DDX19B: variants seen among roughly 807,000 people sequenced by gnomAD.
The protein encoded by DDX19B is DEAD-box helicase 19B, also known as ATP-dependent RNA helicase DDX19B.
In DDX19B, 27 loss-of-function variants were observed where a neutral mutation model predicts 58.1. That is an observed-to-expected ratio of 0.46 (90% CI 0.34 to 0.64). DDX19B has a LOEUF of 0.64. DDX19B is among the 30% of genes least tolerant of loss of function. The pLI is 0.01. For missense variants in DDX19B, 399 were observed against 596.5 expected, an observed-to-expected ratio of 0.67 and a Z score of 3.45; for synonymous variants, 187 against 214.4, an observed-to-expected ratio of 0.87 and a Z score of 1.12.
intron 11 of DDX19B, 111 bp downstream of exon 11, chr16:70,333,270 C>A: frequency 1.4e-6 from 1 of 702,922 alleles, no homozygotes; most frequent in Non-Finnish European, 2.4e-6. Context: ...CTAGCACACT[C>A]CCCTCCTTTC....
At chr16:70,310,547 G>A (rs923227963) in intron 1 of DDX19B, among the ~76,000 whole-genome samples, 7 of 151,092 alleles carry the variant, frequency 4.6e-5, no homozygotes, top group Non-Finnish European at 5.9e-5. Flanking sequence ...CTCGTCTGCA[G>A]AAAAAAAAGA....
chr16:70,293,424 A>G (rs1239628492), upstream of DDX19B, among the ~76,000 whole-genome samples: 1 of 150,848 alleles, frequency 6.6e-6, no homozygotes, highest in Non-Finnish European at 1.5e-5. Flanking sequence ...TCTCAATTGA[A>G]AAAAAAAAGA....
rs755844163 is a variant in DDX19B at position 70,299,330 on chromosome 16, C to G, written c.33C>G (p.Asp11Glu). The G allele has an allele frequency of 3.1e-6, 5 of 1,608,448 alleles. No homozygotes were observed. The highest frequency in any genetic ancestry group is 4.2e-6 in the Non-Finnish European group (5 of 1,177,886). MATDSWALAVDEQEAAAESLS... is the reference protein window; with the variant it reads MATDSWALAVEEQEAAAESLS... ...CTGACTCATGGGCCCTGGCGGTGGA[C>G]GAGCAGGAAGCTGCGGCTGAGTCGG... The change falls in exon 1 of 12, where the codon GAC becomes GAG. Residue 11 changes from aspartate (D) to glutamate (E), a missense_variant. By Grantham distance (45) the Asp-to-Glu change is conservative (BLOSUM62 2). Around this residue, in one of 4 missense-constraint regions of DDX19B, gnomAD observed 132 missense variants for 159.4 expected, o/e 0.83. Transcript: ENST00000288071.
chr16:70,331,848 GAGA>G lies in DDX19B; in HGVS notation c.1153_1155del (p.Lys385del). The G allele has an allele frequency of 6.2e-7, 1 of 1,614,194 alleles. No homozygotes were observed. Among genetic ancestry groups the G allele is most frequent in the East Asian group, 2.2e-5 (1 of 44,884 alleles). On this transcript the variant is annotated inframe_deletion, in exon 10 of 12. Transcript: ENST00000288071. ...GATTGAGCGCTTCCGAGAGGGCAAA[GAGA>G]AGGTTTTGGTGACCACCAACGTGTG...
At chr16:70,304,658 C>T (rs1961666010) in intron 1 of DDX19B, among the ~76,000 whole-genome samples, 1 of 152,222 alleles carries the variant, frequency 6.6e-6, no homozygotes, top group Non-Finnish European at 1.5e-5. Flanking sequence ...CAGGCGTGAA[C>T]CACCACTCCT....
chr16:70,329,388 A>C lies in DDX19B; in HGVS notation c.704A>C (p.Lys235Thr). 6.2e-7 allele frequency: 1 copy of C among 1,614,068 alleles called. No individual in the cohort carries two copies. Among genetic ancestry groups the C allele is most frequent in the Non-Finnish European group, 8.5e-7 (1 of 1,180,010 alleles). ...AAGCTCAAGTTCATTGATCCCAAGA[A>C]AATCAAGGTGTTTGTTCTGGATGAG... Reference protein sequence around the residue: ...CSKLKFIDPKKIKVFVLDEAD... With the variant: ...CSKLKFIDPKTIKVFVLDEAD... The change falls in exon 8 of 12, where the codon AAA becomes ACA. Residue 235 changes from lysine to threonine, a missense_variant. Physicochemically the swap from Lys to Thr is moderately conservative, Grantham distance 78. Transcript: ENST00000288071.
chr16:70,289,988 G>GAAAT (rs143564576), upstream of DDX19B: 1,045 of 326,844 alleles, frequency 3.2e-3, 12 homozygotes, highest in African/African-American at 0.018. Flanking sequence ...TGGTGTGGAA[G>GAAAT]AAATAACATC....
intron 1 of DDX19B, among the ~76,000 whole-genome samples, chr16:70,305,024 G>A (rs1329781594): frequency 6.6e-6 from 1 of 151,892 alleles, no homozygotes; most frequent in African/African-American, 2.4e-5. Flanking sequence ...CTACTTTTTT[G>A]TGATGACTGT....
At chr16:70,318,796 CA>C (rs566281072) in intron 5 of DDX19B, among the ~76,000 whole-genome samples, 335 of 80,286 alleles carry the variant, frequency 4.2e-3, no homozygotes, top group Middle Eastern at 0.013. Flanking sequence ...AACTCCATCT[CA>C]AAAAAAAAAA....
At chr16:70,323,635 G>C (rs997343174) in intron 5 of DDX19B, among the ~76,000 whole-genome samples, 8 of 151,626 alleles carry the variant, frequency 5.3e-5, no homozygotes, top group African/African-American at 1.9e-4. Context: ...TGTTGGCCAG[G>C]CTGGTCTCAA....
chr16:70,313,186 T>C (rs1186808781), intron 2 of DDX19B, among the ~76,000 whole-genome samples: 1 of 151,816 alleles, frequency 6.6e-6, no homozygotes, highest in Non-Finnish European at 1.5e-5. Context: ...GCCTGGCTAA[T>C]GTTTTGTATT....
chr16:70,322,973 G>C (rs1349714844), intron 5 of DDX19B, among the ~76,000 whole-genome samples: 1 of 151,844 alleles, frequency 6.6e-6, no homozygotes, highest in African/African-American at 2.4e-5. Context: ...GTGGCCGGGG[G>C]CCCTCCCCAT....
At chr16:70,292,750 C>T (rs1961093376), upstream of DDX19B, among the ~76,000 whole-genome samples, 1 of 152,118 alleles carries the variant, frequency 6.6e-6, no homozygotes, top group Non-Finnish European at 1.5e-5. Flanking sequence ...AGAAAGATAA[C>T]CAAAGAACTG....
chr16:70,309,478 G>A (rs185906745), intron 1 of DDX19B, among the ~76,000 whole-genome samples: 1 of 151,872 alleles, frequency 6.6e-6, no homozygotes, highest in Admixed American at 6.6e-5. Context: ...CTGGGCGACA[G>A]AGCGAGACTC....
At chr16:70,309,255 G>A (rs533993912) in intron 1 of DDX19B, among the ~76,000 whole-genome samples, 4 of 152,226 alleles carry the variant, frequency 2.6e-5, no homozygotes, top group African/African-American at 9.6e-5. Flanking sequence ...CAGCACTTCG[G>A]GAGGCCGAGG....
chr16:70,331,319 C>T (rs1358945141), intron 9 of DDX19B, among the ~76,000 whole-genome samples: 2 of 152,104 alleles, frequency 1.3e-5, no homozygotes, highest in African/African-American at 4.8e-5. Flanking sequence ...AAGCCTAAGA[C>T]TACAGGCACG....
At chr16:70,323,200 G>A (rs1962945588) in intron 5 of DDX19B, among the ~76,000 whole-genome samples, 1 of 151,816 alleles carries the variant, frequency 6.6e-6, no homozygotes, top group Admixed American at 6.6e-5. Context: ...TCCACCTCCT[G>A]GGCTCAAGAG....
intron 4 of DDX19B, among the ~76,000 whole-genome samples, chr16:70,316,336 A>C (rs1034008665): frequency 6.6e-6 from 1 of 152,040 alleles, no homozygotes; most frequent in African/African-American, 2.4e-5. Flanking sequence ...CAGCCTCCCA[A>C]GTAGCTGAGA....
At position 70,333,800 on chromosome 16, in the gene DDX19B, A is replaced by T; in HGVS notation, c.*218A>T. 3.0e-6 allele frequency: 2 copies of T among 659,370 alleles called. No individual in the cohort carries two copies. Among genetic ancestry groups the T allele is most frequent in the Non-Finnish European group, 5.3e-6 (2 of 380,786 alleles). 40.8% of individuals were successfully genotyped at this position (659,370 alleles called of 1,614,324 possible). A position where few individuals can be genotyped will look rare whatever the true frequency, so the allele number is the denominator to read the frequency against. On this transcript the variant is annotated 3_prime_UTR_variant, in exon 12 of 12. Coordinates refer to ENST00000288071, the MANE Select transcript of DDX19B (RefSeq NM_007242.7). ...TTTACACAACCTTGGAAGATTAGGC[A>T]TGAATACACAGAGATTTACCTTTTG...
Sources: gnomAD v4.1 joint callset for allele counts (sites outside exome capture counted in the v4.1 genomes callset) on GRCh38, gnomAD v4.1.1 for gene constraint, gnomAD v4.1.1 regional missense constraint, MANE v1.5 for transcripts, NCBI Gene and HGNC (gene_info 2026-07-23, HGNC 2026-07-21) for gene names.